Variants in SLC44A5 observed in about 807,000 individuals in gnomAD.
The protein encoded by SLC44A5 is solute carrier family 44 member 5.
A neutral mutation model predicts 101.8 loss-of-function variants in SLC44A5; 57 were observed. The observed-to-expected ratio is 0.56, with a 90% CI of 0.45 to 0.70. The LOEUF is 0.70. Ranked by LOEUF, SLC44A5 falls within the 30% of genes least tolerant of loss-of-function variation. SLC44A5 has a pLI of 0.00. For missense variants in SLC44A5, 737 were observed against 853.1 expected (o/e 0.86, Z 1.70); for synonymous variants, 281 against 290.9 (o/e 0.97, Z 0.35).
intron 2 of SLC44A5, among the ~76,000 whole-genome samples, chr1:75,425,000 A>T (rs979860443): frequency 6.6e-6 from 1 of 152,378 alleles, no homozygotes; most frequent in Non-Finnish European, 1.5e-5. Flanking sequence ...AGCATTTAAA[A>T]TAATAGCACT....
chr1:75,602,065 T>C (rs904191108), intron 1 of SLC44A5, among the ~76,000 whole-genome samples: 17 of 152,196 alleles, frequency 1.1e-4, no homozygotes, highest in Non-Finnish European at 2.1e-4. Context: ...TTTGCTTTAG[T>C]AAATGATTAT....
chr1:75,406,375 A>G (rs1157430206), intron 2 of SLC44A5, among the ~76,000 whole-genome samples: 1 of 152,216 alleles, frequency 6.6e-6, no homozygotes, highest in Non-Finnish European at 1.5e-5. Context: ...GACCAGCATC[A>G]TCCTAATACC....
chr1:75,373,979 T>C (rs1249104518), intron 3 of SLC44A5, among the ~76,000 whole-genome samples: 1 of 152,212 alleles, frequency 6.6e-6, no homozygotes, highest in East Asian at 1.9e-4. Flanking sequence ...GCTCATGTGG[T>C]GGCATGGGAG....
At chr1:75,211,415 C>T in intron 23 of SLC44A5, 53 bp downstream of exon 23, 1 of 1,416,942 alleles carries the variant, frequency 7.1e-7, no homozygotes, top group Non-Finnish European at 9.9e-7. Context: ...CCTTCACCAT[C>T]TCACCTTTCA....
At chr1:75,681,956 C>G in the SLC44A5 span, among the ~76,000 whole-genome samples, 1 of 152,162 alleles carries the variant, frequency 6.6e-6, no homozygotes, top group African/African-American at 2.4e-5. Context: ...CATTCCTATA[C>G]ACCAACAACA....
chr1:75,291,660 G>T (rs1031464623), intron 5 of SLC44A5, among the ~76,000 whole-genome samples: 4 of 152,078 alleles, frequency 2.6e-5, no homozygotes, highest in Non-Finnish European at 4.4e-5. Flanking sequence ...GGGCCTGTGA[G>T]GGGTGGGAGT....
intron 1 of SLC44A5, among the ~76,000 whole-genome samples, chr1:75,599,592 A>T (rs1420090675): frequency 6.6e-6 from 1 of 152,188 alleles, no homozygotes; most frequent in Non-Finnish European, 1.5e-5. Context: ...AGCAATGAGA[A>T]AGAAGTGCTT....
chr1:75,234,358 T>C (rs1647877817), intron 11 of SLC44A5, among the ~76,000 whole-genome samples: 1 of 152,112 alleles, frequency 6.6e-6, no homozygotes, highest in African/African-American at 2.4e-5. Flanking sequence ...TATCAGTCAT[T>C]GTTCAAGGAA....
At chr1:75,370,843 A>G (rs1178258474) in intron 3 of SLC44A5, among the ~76,000 whole-genome samples, 2 of 152,218 alleles carry the variant, frequency 1.3e-5, no homozygotes, top group Non-Finnish European at 2.9e-5. Flanking sequence ...AAGTAGTTGT[A>G]AAACTGAGCA....
At chr1:75,285,471 T>C (rs114394436) in intron 5 of SLC44A5, among the ~76,000 whole-genome samples, 5,707 of 152,180 alleles carry the variant, frequency 0.038, 148 homozygotes, top group Non-Finnish European at 0.06. Flanking sequence ...TTCAATTTTA[T>C]TTAGTTCTTC....
chr1:75,645,646 T>C, the SLC44A5 span, among the ~76,000 whole-genome samples: 4,807 of 150,988 alleles, frequency 0.032, 265 homozygotes, highest in African/African-American at 0.11. Context: ...ATCCCATTTG[T>C]CAATTTTGGC....
intron 3 of SLC44A5, among the ~76,000 whole-genome samples, chr1:75,376,763 A>C (rs1660651715): frequency 6.6e-6 from 1 of 152,244 alleles, no homozygotes; most frequent in Non-Finnish European, 1.5e-5. Context: ...AACTCTAAAA[A>C]GCAGAGCGCC....
At chr1:75,432,048 G>C (rs573767387) in intron 2 of SLC44A5, among the ~76,000 whole-genome samples, 27 of 152,160 alleles carry the variant, frequency 1.8e-4, no homozygotes, top group Non-Finnish European at 2.9e-5. Context: ...AATGAAAATA[G>C]GATTCCCTTG....
At chr1:75,591,775 T>C in intron 1 of SLC44A5, among the ~76,000 whole-genome samples, 1 of 151,704 alleles carries the variant, frequency 6.6e-6, no homozygotes, top group Non-Finnish European at 1.5e-5. Flanking sequence ...AGGATAAAAA[T>C]CATATGATAA....
intron 6 of SLC44A5, among the ~76,000 whole-genome samples, chr1:75,256,481 A>G (rs1021076157): frequency 1.3e-5 from 2 of 152,190 alleles, no homozygotes; most frequent in Non-Finnish European, 2.9e-5. Context: ...CTTTGATATC[A>G]AGGACATGGT....
chr1:75,608,255 T>A (rs1165667080), intron 1 of SLC44A5, among the ~76,000 whole-genome samples: 1 of 151,860 alleles, frequency 6.6e-6, no homozygotes, highest in Admixed American at 6.6e-5. Context: ...TGAAAATATA[T>A]TTTTCCAGAG....
chr1:75,355,143 C>G (rs1658975451), intron 3 of SLC44A5, among the ~76,000 whole-genome samples: 1 of 151,988 alleles, frequency 6.6e-6, no homozygotes, highest in Non-Finnish European at 1.5e-5. Context: ...GTTTAACCAA[C>G]AAAAATTTCC....
intron 23 of SLC44A5, chr1:75,206,523 A>T: frequency 1.1e-6 from 1 of 910,760 alleles, no homozygotes; most frequent in Non-Finnish European, 1.8e-6. Context: ...ATTTCACATT[A>T]CTCAAAAGCA....
At chr1:75,270,449 C>T (rs550095652) in intron 6 of SLC44A5, among the ~76,000 whole-genome samples, 7 of 152,040 alleles carry the variant, frequency 4.6e-5, no homozygotes, top group African/African-American at 7.2e-5. Flanking sequence ...ATTCAACAAA[C>T]GATTCTGAAA....
Sources: gnomAD v4.1 joint callset for allele counts (sites outside exome capture counted in the v4.1 genomes callset) on GRCh38, gnomAD v4.1.1 for gene constraint, MANE v1.5 for transcripts, NCBI Gene and HGNC (gene_info 2026-07-23, HGNC 2026-07-21) for gene names.